Variants in JMJD1C observed in about 807,000 individuals in gnomAD.
The protein encoded by JMJD1C is jumonji domain containing 1C.
JMJD1C carries 31 observed loss-of-function variants against 245.3 expected under a neutral mutation model. That is an observed-to-expected ratio of 0.13 (90% CI 0.09 to 0.17). The LOEUF (loss-of-function observed/expected upper bound fraction) is 0.17. Among genes scored for constraint, JMJD1C ranks in the 10% least tolerant of loss-of-function variants. JMJD1C has a pLI of 1.00. For synonymous variants in JMJD1C, 1,057 were observed against 1,017.4 expected (o/e 1.04, Z -0.74); for missense variants, 2,691 against 3,000.2 (o/e 0.90, Z 2.41).
At position 63,357,821 on chromosome 10, in the gene JMJD1C, A is replaced by G. The variant is rs555151854; in HGVS notation, c.333+22497T>C. Among the ~76,000 whole-genome samples, 318 of 86,848 alleles carry G rather than the reference A, an allele frequency of 3.7e-3. 2 individuals are homozygous for G. The highest frequency in any genetic ancestry group is 0.012 in the African/African-American group (301 of 24,218). 57.0% of individuals were successfully genotyped at this position (86,848 alleles called of 152,430 possible). A position where few individuals can be genotyped will look rare whatever the true frequency, so the allele number is the denominator to read the frequency against. On this transcript the variant is annotated intron_variant, in intron 2 of 25. Coordinates refer to ENST00000399262, the MANE Select transcript of JMJD1C (RefSeq NM_032776.3). ...GTTTAAAATGTCAAAAGACACAGAC[A>G]GACAGACACACACACACACACACAC...
At chr10:63,472,868 G>A (rs112339729) in intron 1 of JMJD1C, among the ~76,000 whole-genome samples, 60 of 151,550 alleles carry the variant, frequency 4.0e-4, no homozygotes, top group Middle Eastern at 3.4e-3. Flanking sequence ...CACCGCAACC[G>A]CCTTCTCTCA....
intron 3 of JMJD1C, among the ~76,000 whole-genome samples, chr10:63,231,159 C>T (rs1368006591): frequency 1.3e-5 from 2 of 152,152 alleles, no homozygotes; most frequent in Non-Finnish European, 1.5e-5. Context: ...AAACCTTAAA[C>T]TATGCAAGCA....
chr10:63,281,484 T>G (rs1192328639), intron 2 of JMJD1C, among the ~76,000 whole-genome samples: 1 of 134,752 alleles, frequency 7.4e-6, no homozygotes, highest in Admixed American at 7.6e-5. Context: ...TTTTTTTTTT[T>G]TTTTGAGACG....
At chr10:63,222,646 T>TA (rs1848740286) in intron 3 of JMJD1C, 2 of 1,552,520 alleles carry the variant, frequency 1.3e-6, no homozygotes, top group African/African-American at 1.4e-5. Context: ...TTAAAAGAAA[T>TA]AGAGATCGGT....
intron 3 of JMJD1C, among the ~76,000 whole-genome samples, chr10:63,256,888 G>C (rs1400019224): frequency 1.3e-5 from 2 of 152,210 alleles, no homozygotes; most frequent in Non-Finnish European, 2.9e-5. Flanking sequence ...AAGTCAGGGA[G>C]TAACTGGGAA....
chr10:63,361,648 C>T (rs558130042), intron 2 of JMJD1C, among the ~76,000 whole-genome samples: 1 of 147,486 alleles, frequency 6.8e-6, no homozygotes, highest in Non-Finnish European at 1.5e-5. Context: ...ATAACCTACT[C>T]CAGAGGCTGC....
chr10:63,326,295 G>A lies in JMJD1C; in HGVS notation c.333+54023C>T, dbSNP rs565392276. Among the ~76,000 whole-genome samples, 7 of 151,766 alleles carry A rather than the reference G, an allele frequency of 4.6e-5. No homozygotes were observed. The East Asian group carries it at 1.4e-3, about 30-fold the overall frequency. On this transcript the variant is annotated intron_variant, in intron 2 of 25. Transcript: ENST00000399262. ...GGATCATTTGAGGTCAAGAGTTCAA[G>A]ACCAGCCCGACCAACATGGTGAAAC...
At chr10:63,507,644 C>CAAAAAAAAAAACAAAAAAAAAAA (rs1954760399) in intron 1 of JMJD1C, among the ~76,000 whole-genome samples, 1 of 58,754 alleles carries the variant, frequency 1.7e-5, no homozygotes, top group Non-Finnish European at 2.8e-5. Context: ...GACTCTGTCT[C>CAAAAAAAAAAACAAAAAAAAAAA]AAAAAAAAAA....
At chr10:63,190,165 T>G (rs1299417286) in intron 17 of JMJD1C, among the ~76,000 whole-genome samples, 1 of 151,464 alleles carries the variant, frequency 6.6e-6, no homozygotes, top group Non-Finnish European at 1.5e-5. Flanking sequence ...CCTCCCAAAG[T>G]GCTAGGATTA....
chr10:63,416,208 G>T (rs1342813700), intron 1 of JMJD1C, among the ~76,000 whole-genome samples: 1 of 152,038 alleles, frequency 6.6e-6, no homozygotes, highest in African/African-American at 2.4e-5. Context: ...TGTTTAAATT[G>T]TTATACATGA....
At chr10:63,222,590 A>G in intron 3 of JMJD1C, 1 of 1,595,564 alleles carries the variant, frequency 6.3e-7, no homozygotes, top group Non-Finnish European at 8.6e-7. Context: ...AAAATTACCA[A>G]TGTTTCTTCA....
At chr10:63,395,038 A>T (rs187469465) in intron 1 of JMJD1C, among the ~76,000 whole-genome samples, 11 of 152,200 alleles carry the variant, frequency 7.2e-5, no homozygotes, top group Non-Finnish European at 7.3e-5. Flanking sequence ...TAATTCAAAA[A>T]TATGGGCAAA....
intron 2 of JMJD1C, among the ~76,000 whole-genome samples, chr10:63,300,018 T>C (rs1859891551): frequency 6.6e-6 from 1 of 152,112 alleles, no homozygotes; most frequent in Non-Finnish European, 1.5e-5. Flanking sequence ...AGTTGATGAG[T>C]ATGTACAATT....
chr10:63,463,299 G>A (rs1952928280), intron 1 of JMJD1C, among the ~76,000 whole-genome samples: 1 of 151,650 alleles, frequency 6.6e-6, no homozygotes, highest in South Asian at 2.1e-4. Context: ...CCCAGTAGAT[G>A]GAACCACAGG....
At chr10:63,461,557 T>C (rs1015982128) in intron 1 of JMJD1C, among the ~76,000 whole-genome samples, 3 of 152,192 alleles carry the variant, frequency 2.0e-5, no homozygotes, top group Admixed American at 2.0e-4. Flanking sequence ...ATATTATTCA[T>C]ATTTAAGACA....
intron 2 of JMJD1C, among the ~76,000 whole-genome samples, chr10:63,376,190 G>C (rs1946726988): frequency 6.6e-6 from 1 of 152,070 alleles, no homozygotes; most frequent in Non-Finnish European, 1.5e-5. Flanking sequence ...CTGGGGCAAA[G>C]GCAGTCTTTC....
chr10:63,381,026 T>C (rs1947173278), intron 1 of JMJD1C, among the ~76,000 whole-genome samples: 1 of 152,216 alleles, frequency 6.6e-6, no homozygotes, highest in Non-Finnish European at 1.5e-5. Flanking sequence ...TAAGTATCTG[T>C]CAACATATGA....
intron 2 of JMJD1C, among the ~76,000 whole-genome samples, chr10:63,329,578 C>T (rs1336170405): frequency 6.6e-6 from 1 of 150,760 alleles, no homozygotes; most frequent in East Asian, 1.9e-4. Context: ...CAACAATACA[C>T]TAACTTGACA....
In JMJD1C at chr10:63,400,053, AT is replaced by A. The variant is rs541022696; in HGVS notation, c.169-19572del. On this transcript the variant is annotated intron_variant, in intron 1 of 25. Coordinates refer to ENST00000399262, the MANE Select transcript of JMJD1C (RefSeq NM_032776.3). ...GTATCTTATTATTTTACTTAACAAA[AT>A]GTACAGTAGCAATCACAGCTTAAAA... Among the ~76,000 whole-genome samples the A allele has an allele frequency of 3.3e-3, 504 of 152,298 alleles. 1 individual carries two copies. The highest frequency in any genetic ancestry group is 3.8e-3 in the Non-Finnish European group (259 of 68,032).
Sources: gnomAD v4.1 joint callset for allele counts (sites outside exome capture counted in the v4.1 genomes callset) on GRCh38, gnomAD v4.1.1 for gene constraint, MANE v1.5 for transcripts, NCBI Gene and HGNC (gene_info 2026-07-23, HGNC 2026-07-21) for gene names.